The following STIM1 variants were observed in gnomAD, a reference collection of about 807,000 sequenced individuals.
STIM1 encodes stromal interaction molecule 1.
STIM1 carries 25 observed loss-of-function variants against 74.7 expected under a neutral mutation model. The ratio of observed to expected loss-of-function variants is 0.33; its 90% CI spans 0.24 to 0.47. The LOEUF (loss-of-function observed/expected upper bound fraction) is 0.47, where lower values mean the gene tolerates loss of function less well. STIM1 is among the 20% of genes least tolerant of loss of function. The probability of loss-of-function intolerance (pLI) is 1.00; values close to 1 mark genes in which losing one functional copy is unlikely to be tolerated. For missense variants in STIM1, 728 were observed against 920.8 expected (o/e 0.79, Z 2.71); for synonymous variants, 328 against 348.8 (o/e 0.94, Z 0.66).
At chr11:3,871,549 A>G (rs1330890089) in intron 1 of STIM1, among the ~76,000 whole-genome samples, 1 of 152,172 alleles carries the variant, frequency 6.6e-6, no homozygotes, top group Non-Finnish European at 1.5e-5. Context: ...ACATACTCTG[A>G]GTGAGTGGAG....
At chr11:3,921,299 G>A (rs2092714290) in intron 1 of STIM1, among the ~76,000 whole-genome samples, 1 of 152,118 alleles carries the variant, frequency 6.6e-6, no homozygotes, top group African/African-American at 2.4e-5. Flanking sequence ...CATTGATTTG[G>A]CAAACGCATT....
At chr11:3,869,507 T>C (rs977649836) in intron 1 of STIM1, among the ~76,000 whole-genome samples, 2 of 152,156 alleles carry the variant, frequency 1.3e-5, no homozygotes, top group African/African-American at 4.8e-5. Context: ...GGTAGAAATA[T>C]AAGGGAATTT....
chr11:3,909,048 A>G (rs2092516294), intron 1 of STIM1, among the ~76,000 whole-genome samples: 1 of 152,196 alleles, frequency 6.6e-6, no homozygotes, highest in African/African-American at 2.4e-5. Flanking sequence ...TGGGGATAGT[A>G]CTAGTGTTAC....
chr11:3,904,062 T>G (rs1397347458), intron 1 of STIM1, among the ~76,000 whole-genome samples: 4 of 150,814 alleles, frequency 2.7e-5, no homozygotes, highest in Admixed American at 6.6e-5. Flanking sequence ...CTGGGTGTGG[T>G]GGTATGTGCC....
rs2091848543 is a variant in STIM1, at chr11:3,890,045, T to G, written c.139+33636T>G. Among the ~76,000 whole-genome samples the G allele has an allele frequency of 2.0e-5, 3 of 152,176 alleles. No individual in the cohort carries two copies. In the South Asian group the frequency reaches 6.2e-4, roughly 31 times the overall value. ...AGCTCCTCATTGGGATCTCCCTTAT[T>G]CCCTGACCATGTGTTTCGACAGTTT... On this transcript the variant is annotated intron_variant, in intron 1 of 12. Coordinates refer to ENST00000526596, the MANE Select transcript of STIM1 (RefSeq NM_001382567.1).
At chr11:3,880,789 G>C (rs902898955) in intron 1 of STIM1, among the ~76,000 whole-genome samples, 1 of 152,150 alleles carries the variant, frequency 6.6e-6, no homozygotes, top group African/African-American at 2.4e-5. Flanking sequence ...AGGTCAGTCA[G>C]CCCCTTTCCC....
rs752778021 is a variant in STIM1 at position 3,856,282 on chromosome 11, C to G, written c.12C>G (p.Cys4Trp). 1.2e-6 allele frequency: 2 copies of G among 1,614,142 alleles called. No individual in the cohort carries two copies. The highest frequency in any genetic ancestry group is 2.2e-5 in the South Asian group (2 of 91,084). MDVCVRLALWLLWG... is the reference protein window; with the variant it reads MDVWVRLALWLLWG... ...TGAGACCTAGAGTCATGGATGTATG[C>G]GTCCGTCTTGCCCTGTGGCTCCTCT... The change falls in exon 1 of 13, where the codon TGC (cysteine) becomes TGG (tryptophan). Residue 4 changes from cysteine (C) to tryptophan (W), a missense_variant. This residue lies in a region of STIM1 where 62 missense variants were observed against 55.5 expected (regional missense o/e 1.12). Transcript: ENST00000526596.
At chr11:3,992,371 G>A (rs1319984343) in intron 2 of STIM1, among the ~76,000 whole-genome samples, 2 of 151,860 alleles carry the variant, frequency 1.3e-5, no homozygotes, top group Non-Finnish European at 2.9e-5. Flanking sequence ...CCGAGATTGG[G>A]CCACTGCACT....
chr11:3,915,455 T>C (rs1196525763), intron 1 of STIM1, among the ~76,000 whole-genome samples: 1 of 151,276 alleles, frequency 6.6e-6, no homozygotes, highest in Non-Finnish European at 1.5e-5. Context: ...TGGAGTGCAG[T>C]GGTGCCATCT....
At chr11:3,906,881 A>G (rs1304364190) in intron 1 of STIM1, among the ~76,000 whole-genome samples, 2 of 152,242 alleles carry the variant, frequency 1.3e-5, no homozygotes, top group African/African-American at 4.8e-5. Flanking sequence ...CATCGTATAG[A>G]TAAGAAAATT....
At chr11:4,044,730 C>T (rs996641116) in intron 3 of STIM1, among the ~76,000 whole-genome samples, 2 of 152,184 alleles carry the variant, frequency 1.3e-5, no homozygotes, top group East Asian at 1.9e-4. Context: ...TTTTCCCCTA[C>T]AGCTTAGCTA....
In STIM1 at chr11:4,043,981, C is replaced by T. The variant is rs182295196; in HGVS notation, c.386-11545C>T. On this transcript the variant is annotated intron_variant, in intron 3 of 12. Transcript: ENST00000526596. ...AGTGAGCTGAGATTGTACCATTGCA[C>T]TCCAGCCTAGCGACATAGTAGACTC... Among the ~76,000 whole-genome samples the T allele has an allele frequency of 5.3e-5, 8 of 152,078 alleles. No individual in the cohort carries two copies. In the East Asian group the frequency reaches 1.2e-3, roughly 22 times the overall value.
intron 4 of STIM1, among the ~76,000 whole-genome samples, chr11:4,056,810 T>C (rs2094293434): frequency 6.6e-6 from 1 of 152,232 alleles, no homozygotes; most frequent in African/African-American, 2.4e-5. Flanking sequence ...TTCTCACAAC[T>C]CTGGGAGGAA....
intron 1 of STIM1, among the ~76,000 whole-genome samples, chr11:3,964,551 T>A (rs1046660515): frequency 8.5e-5 from 13 of 152,164 alleles, no homozygotes; most frequent in African/African-American, 2.9e-4. Context: ...TGTAGGTTTT[T>A]GGGAAAGGTG....
chr11:4,059,244 T>G (rs754796063), intron 4 of STIM1, 37 bp from the exon 5 acceptor site: 5 of 1,568,114 alleles, frequency 3.2e-6, no homozygotes, highest in African/African-American at 1.4e-5. Flanking sequence ...CTGGCTTTAC[T>G]GGGAGGGAAC....
chr11:4,016,953 C>A (rs1259962118), intron 2 of STIM1, among the ~76,000 whole-genome samples: 1 of 152,250 alleles, frequency 6.6e-6, no homozygotes, highest in East Asian at 1.9e-4. Flanking sequence ...CAGCAGTGCA[C>A]TGTTCCACCA....
intron 1 of STIM1, among the ~76,000 whole-genome samples, chr11:3,856,662 T>TG (rs532017133): frequency 3.9e-4 from 59 of 152,338 alleles, no homozygotes; most frequent in African/African-American, 1.4e-3. Context: ...AAGAAGCCTT[T>TG]GGGGCAACTT....
intron 2 of STIM1, among the ~76,000 whole-genome samples, chr11:3,996,352 T>C (rs1241649872): frequency 2.6e-5 from 4 of 152,216 alleles, no homozygotes; most frequent in Non-Finnish European, 5.9e-5. Context: ...GCAATGCCAG[T>C]TGTGGCTCCA....
chr11:4,000,198 T>G (rs1343885262), intron 2 of STIM1, among the ~76,000 whole-genome samples: 2 of 124,492 alleles, frequency 1.6e-5, no homozygotes, highest in Non-Finnish European at 3.5e-5. Context: ...TCTGCAGACT[T>G]AAATGTGCCT....
Sources: gnomAD v4.1 joint callset for allele counts (sites outside exome capture counted in the v4.1 genomes callset) on GRCh38, gnomAD v4.1.1 for gene constraint, gnomAD v4.1.1 regional missense constraint, MANE v1.5 for transcripts, NCBI Gene and HGNC (gene_info 2026-07-23, HGNC 2026-07-21) for gene names.